DIAPH1: variants seen among roughly 807,000 people sequenced by gnomAD.
DIAPH1 encodes diaphanous related formin 1, also known as protein diaphanous homolog 1.
Under a neutral mutation model 140.7 loss-of-function variants are expected in DIAPH1, and 46 were observed. The observed-to-expected ratio is 0.33, with a 90% CI of 0.26 to 0.42. DIAPH1 has a LOEUF of 0.42. DIAPH1 is among the 10% of genes least tolerant of loss of function. DIAPH1 has a pLI of 1.00. For synonymous variants in DIAPH1, 565 were observed against 551.6 expected (o/e 1.02, Z -0.34); for missense variants, 1,310 against 1,558.7 (o/e 0.84, Z 2.69).
chr5:141,601,756 T>C (rs1220650165), intron 1 of DIAPH1, among the ~76,000 whole-genome samples: 3 of 152,218 alleles, frequency 2.0e-5, no homozygotes, highest in East Asian at 1.9e-4. Context: ...TCCGAAACAG[T>C]ATATTTATTC....
At chr5:141,541,684 C>CAAAAAAAAA (rs145217158) in intron 18 of DIAPH1, among the ~76,000 whole-genome samples, 1 of 104,182 alleles carries the variant, frequency 9.6e-6, no homozygotes. Context: ...GATTCTGTCT[C>CAAAAAAAAA]AAAAAAAAAA....
intron 1 of DIAPH1, among the ~76,000 whole-genome samples, chr5:141,591,712 A>ATATT (rs1554211014): frequency 1.4e-5 from 1 of 71,674 alleles, no homozygotes; most frequent in Admixed American, 1.9e-4. Context: ...ATATATATAT[A>ATATT]TATATATATA....
chr5:141,531,653 A>G (rs2099888255), intron 19 of DIAPH1, among the ~76,000 whole-genome samples: 1 of 151,788 alleles, frequency 6.6e-6, no homozygotes, highest in African/African-American at 2.4e-5. Flanking sequence ...ATGCCCAGCT[A>G]ATTTTTCTAT....
chr5:141,520,745 G>A (rs755303846), intron 27 of DIAPH1, among the ~76,000 whole-genome samples: 1 of 152,152 alleles, frequency 6.6e-6, no homozygotes, highest in Non-Finnish European at 1.5e-5. Flanking sequence ...TTGCTGGAAG[G>A]TATGAAAGAA....
chr5:141,593,019 G>A (rs566586322), intron 1 of DIAPH1, among the ~76,000 whole-genome samples: 1 of 152,282 alleles, frequency 6.6e-6, no homozygotes, highest in South Asian at 2.1e-4. Flanking sequence ...GAACAAAAGA[G>A]CAACTGCAAA....
In DIAPH1 at chr5:141,575,254, G is replaced by A. The variant is rs370019050; in HGVS notation, c.1462-108C>T. 14 of 1,129,478 alleles carry A rather than the reference G, an allele frequency of 1.2e-5. No individual in the cohort carries two copies. The East Asian group carries it at 1.4e-4, about 12-fold the overall frequency. The allele number at this position is 1,129,478 out of a possible 1,614,324, so 70.0% of individuals were successfully genotyped here. ...CCTCCTCTTTTGCCTGGGGGTGCTG[G>A]AATCCCCCCACTGCCTCCTGTTCTG... is the stretch of plus-strand genomic sequence containing the variant. On this transcript the variant is annotated intron_variant, in intron 14 of 27. Transcript: ENST00000389054.
intron 18 of DIAPH1, chr5:141,536,057 T>C: frequency 2.1e-6 from 1 of 466,660 alleles, no homozygotes; most frequent in Non-Finnish European, 4.5e-6. Context: ...CCCAGCACTT[T>C]GGAAGGCTGA....
At chr5:141,600,283 C>T (rs1232176826) in intron 1 of DIAPH1, among the ~76,000 whole-genome samples, 1 of 152,182 alleles carries the variant, frequency 6.6e-6, no homozygotes, top group African/African-American at 2.4e-5. Flanking sequence ...TTTGAATGAA[C>T]CTGGAGGCAG....
chr5:141,594,250 G>T (rs1436066793), intron 1 of DIAPH1, among the ~76,000 whole-genome samples: 1 of 152,176 alleles, frequency 6.6e-6, no homozygotes, highest in Non-Finnish European at 1.5e-5. Flanking sequence ...AAGTGAAAAC[G>T]TATGTCCACA....
chr5:141,585,384 C>A (rs562987546), intron 3 of DIAPH1, among the ~76,000 whole-genome samples: 2 of 152,294 alleles, frequency 1.3e-5, no homozygotes, highest in South Asian at 2.1e-4. Flanking sequence ...GGGGACCTTA[C>A]ATAAAGATAC....
chr5:141,576,897 T>C (rs72792311), intron 12 of DIAPH1, 26 bp from the exon 13 acceptor site: 99 of 1,328,546 alleles, frequency 7.5e-5, no homozygotes, highest in Non-Finnish European at 1.0e-4. Context: ...AACAGGGTCA[T>C]CAAAGGAAAA....
At chr5:141,527,764 T>C in intron 23 of DIAPH1, 67 bp from the exon 24 acceptor site, 2 of 1,485,838 alleles carry the variant, frequency 1.3e-6, no homozygotes. Flanking sequence ...AATCCCAGCC[T>C]CAACACCCCT....
intron 18 of DIAPH1, among the ~76,000 whole-genome samples, chr5:141,537,901 G>A (rs2099889302): frequency 6.6e-6 from 1 of 152,104 alleles, no homozygotes; most frequent in Non-Finnish European, 1.5e-5. Flanking sequence ...GTTTTTGAGG[G>A]GTTTTCTTGA....
At chr5:141,599,125 T>C (rs1198128261) in intron 1 of DIAPH1, among the ~76,000 whole-genome samples, 1 of 152,106 alleles carries the variant, frequency 6.6e-6, no homozygotes, top group Non-Finnish European at 1.5e-5. Flanking sequence ...AAGCAAAAGG[T>C]AATTGGGTAG....
rs1378791199 is a variant in DIAPH1 at position 141,579,181 on chromosome 5, CA to C, written c.839del (p.Leu280TrpfsTer4). 3 of 1,613,932 alleles carry C rather than the reference CA, an allele frequency of 1.9e-6. No individual in the cohort carries two copies. Among genetic ancestry groups the C allele is most frequent in the Non-Finnish European group, 2.5e-6 (3 of 1,179,898 alleles). On this transcript the variant is annotated frameshift_variant, in exon 9 of 28. Transcript: ENST00000389054. LOFTEE classifies it high-confidence loss of function. ...TCTCAGCTCTTTCTGTCATTGCCTC[CA>C]AAACCCTTTCATTCCTGCCCAAGAG... ...PQPEDMNERV[L>X]EAMTERAEMD...
intron 14 of DIAPH1, among the ~76,000 whole-genome samples, chr5:141,575,391 G>A (rs2099895807): frequency 6.6e-6 from 1 of 152,182 alleles, no homozygotes; most frequent in Non-Finnish European, 1.5e-5. Context: ...GCTCACACCT[G>A]TAATCCCAGC....
intron 18 of DIAPH1, among the ~76,000 whole-genome samples, chr5:141,548,424 C>T (rs567923232): frequency 1.3e-4 from 20 of 151,824 alleles, no homozygotes; most frequent in South Asian, 4.2e-4. Context: ...AAAAATTATC[C>T]GAAGGAAATA....
chr5:141,540,060 C>CAGGT (rs2099889736), intron 18 of DIAPH1, among the ~76,000 whole-genome samples: 1 of 151,960 alleles, frequency 6.6e-6, no homozygotes, highest in Non-Finnish European at 1.5e-5. Flanking sequence ...TGGGCATTTA[C>CAGGT]AGGTCTAAAT....
At chr5:141,601,987 C>T (rs2099900208) in intron 1 of DIAPH1, among the ~76,000 whole-genome samples, 1 of 152,172 alleles carries the variant, frequency 6.6e-6, no homozygotes, top group Non-Finnish European at 1.5e-5. Context: ...ATAAGTATCA[C>T]TACAGCCAAA....
Sources: gnomAD v4.1 joint callset for allele counts (sites outside exome capture counted in the v4.1 genomes callset) on GRCh38, gnomAD v4.1.1 for gene constraint, MANE v1.5 for transcripts, NCBI Gene and HGNC (gene_info 2026-07-23, HGNC 2026-07-21) for gene names.